The following VRK1 variants were observed in gnomAD, a reference collection of about 807,000 sequenced individuals.
VRK1 encodes the protein serine/threonine-protein kinase VRK1.
A neutral mutation model predicts 57.1 loss-of-function variants in VRK1; 33 were observed. The observed-to-expected ratio is 0.58, with a 90% confidence interval of 0.44 to 0.77. VRK1 has a LOEUF of 0.77. Ranked by LOEUF, VRK1 falls within the 30% of genes least tolerant of loss-of-function variation. VRK1 has a pLI of 0.00. For synonymous variants in VRK1, 137 were observed against 147.8 expected, an observed-to-expected ratio of 0.93 and a Z score of 0.53; for missense variants, 413 against 477.3, an observed-to-expected ratio of 0.87 and a Z score of 1.25.
At chr14:96,869,940 A>G (rs1888749593) in intron 11 of VRK1, among the ~76,000 whole-genome samples, 3 of 152,114 alleles carry the variant, frequency 2.0e-5, no homozygotes, top group Admixed American at 2.0e-4. Flanking sequence ...CCCCACCAGT[A>G]TATATATAGG....
intron 1 of VRK1, among the ~76,000 whole-genome samples, chr14:96,828,068 G>GGAAT (rs1467417937): frequency 6.6e-6 from 1 of 152,114 alleles, no homozygotes; most frequent in Non-Finnish European, 1.5e-5. Flanking sequence ...TCATGTAAAT[G>GGAAT]GAATATAGTA....
intron 1 of VRK1, among the ~76,000 whole-genome samples, chr14:96,802,245 G>A (rs755522955): frequency 1.2e-4 from 19 of 152,104 alleles, no homozygotes; most frequent in Non-Finnish European, 2.2e-4. Flanking sequence ...ACAATCCAGC[G>A]ATTGCACTCC....
chr14:96,875,637 A>G (rs1888997455), intron 11 of VRK1, among the ~76,000 whole-genome samples: 1 of 152,184 alleles, frequency 6.6e-6, no homozygotes, highest in Admixed American at 6.5e-5. Flanking sequence ...CCCATGTTGT[A>G]CAATGTGGAG....
At chr14:96,878,389 A>G (rs1889123217) in intron 12 of VRK1, among the ~76,000 whole-genome samples, 1 of 152,182 alleles carries the variant, frequency 6.6e-6, no homozygotes, top group South Asian at 2.1e-4. Context: ...AACGTGTTTC[A>G]AGAATGGTTA....
intron 1 of VRK1, among the ~76,000 whole-genome samples, chr14:96,805,032 G>A (rs528493300): frequency 6.6e-6 from 1 of 152,302 alleles, no homozygotes; most frequent in East Asian, 1.9e-4. Flanking sequence ...AAGAGTCCAA[G>A]CGTTGAGCAA....
intron 1 of VRK1, among the ~76,000 whole-genome samples, chr14:96,816,033 G>A (rs1340551862): frequency 1.3e-5 from 2 of 152,150 alleles, no homozygotes; most frequent in African/African-American, 4.8e-5. Flanking sequence ...CTTGAGACAG[G>A]AAAATGTACA....
At chr14:96,870,225 A>C (rs1309656793) in intron 11 of VRK1, among the ~76,000 whole-genome samples, 1 of 152,160 alleles carries the variant, frequency 6.6e-6, no homozygotes, top group Non-Finnish European at 1.5e-5. Flanking sequence ...TGGGACTAAA[A>C]CTCAGAAGAG....
intron 10 of VRK1, 96 bp downstream of exon 10, chr14:96,856,682 G>A (rs1888169133): frequency 7.2e-6 from 8 of 1,110,364 alleles, no homozygotes; most frequent in Non-Finnish European, 1.1e-5. Context: ...AAGATGTTAG[G>A]TGGTGGCCAG....
chr14:96,845,397 G>A (rs189097115), intron 3 of VRK1, among the ~76,000 whole-genome samples: 1 of 152,180 alleles, frequency 6.6e-6, no homozygotes, highest in East Asian at 1.9e-4. Flanking sequence ...GTGCAAATAC[G>A]TTTTTGTGAA....
chr14:96,835,497 C>T (rs12101087), intron 2 of VRK1, among the ~76,000 whole-genome samples: 2,095 of 152,126 alleles, frequency 0.014, 55 homozygotes, highest in African/African-American at 0.048. Context: ...GTCTCTTTAC[C>T]GTTGATTTCC....
chr14:96,828,754 CT>C, intron 1 of VRK1, among the ~76,000 whole-genome samples: 1 of 151,750 alleles, frequency 6.6e-6, no homozygotes, highest in East Asian at 1.9e-4. Flanking sequence ...GTATTTAAGT[CT>C]TTTGTGTTTC....
chr14:96,853,158 C>A lies in VRK1; in HGVS notation c.568C>A (p.Pro190Thr). 6.2e-7 allele frequency: 1 copy of A among 1,612,836 alleles called. No homozygotes were observed. Among genetic ancestry groups the A allele is most frequent in the South Asian group, 1.1e-5 (1 of 91,066 alleles). The change falls in exon 7 of 13, where the codon CCT (proline) becomes ACT (threonine). Residue 190 changes from proline to threonine, a missense_variant. Pro to Thr is a conservative substitution (Grantham distance 38). Around this residue, in one of 3 missense-constraint regions of VRK1, gnomAD observed 151 missense variants for 225.5 expected, o/e 0.67. Coordinates refer to ENST00000216639, the MANE Select transcript of VRK1 (RefSeq NM_003384.3). ...ASNLLLNYKN[P>T]DQVYLVDYGL... ...AAATCTTCTTCTGAACTACAAGAAT[C>A]CTGACCAGGTAGTTTTATAACTTTA... is the stretch of plus-strand genomic sequence containing the variant.
chr14:96,877,434 C>A, intron 12 of VRK1: 1 of 1,202,356 alleles, frequency 8.3e-7, no homozygotes, highest in Non-Finnish European at 1.1e-6. Context: ...CTCTTTTTCC[C>A]GCTGCTGTCT....
At chr14:96,846,046 C>G in intron 3 of VRK1, 49 bp from the exon 4 acceptor site, 1 of 1,486,384 alleles carries the variant, frequency 6.7e-7, no homozygotes, top group Non-Finnish European at 9.4e-7. Flanking sequence ...TTGAAAATAT[C>G]TCAGTAATTT....
At chr14:96,803,861 C>T (rs764372477) in intron 1 of VRK1, among the ~76,000 whole-genome samples, 91 of 152,064 alleles carry the variant, frequency 6.0e-4, no homozygotes, top group African/African-American at 2.1e-3. Flanking sequence ...GTCTTTTACC[C>T]GTTTTGTGAT....
chr14:96,830,614 C>T (rs964351513), intron 1 of VRK1, among the ~76,000 whole-genome samples: 1 of 152,016 alleles, frequency 6.6e-6, no homozygotes, highest in African/African-American at 2.4e-5. Flanking sequence ...TTTTGGGAGG[C>T]ATGTTTTCTT....
rs143447703 is a variant in VRK1, at chr14:96,847,433, T to TA, written c.374+90dup. ...AGTCAGTAATTATTTACTGATCACT[T>TA]ACAATATTACTAGGCCTCCCTCTGG... On this transcript the variant is annotated intron_variant, in intron 5 of 12. Coordinates refer to ENST00000216639, the MANE Select transcript of VRK1 (RefSeq NM_003384.3). The TA allele has an allele frequency of 0.054, 54,191 of 1,001,904 alleles. 1,747 individuals are homozygous for TA. Among genetic ancestry groups the TA allele is most frequent in the Non-Finnish European group, 0.064 (40,969 of 637,526 alleles). The allele number at this position is 1,001,904 out of a possible 1,614,324, so 62.1% of individuals were successfully genotyped here.
chr14:96,821,855 C>T (rs1886611436), intron 1 of VRK1, among the ~76,000 whole-genome samples: 1 of 152,200 alleles, frequency 6.6e-6, no homozygotes, highest in South Asian at 2.1e-4. Flanking sequence ...CACCAGTCCC[C>T]TTGCTGTTTC....
At chr14:96,868,872 G>T (rs1409452925) in intron 11 of VRK1, among the ~76,000 whole-genome samples, 1 of 147,102 alleles carries the variant, frequency 6.8e-6, no homozygotes, top group African/African-American at 2.5e-5. Flanking sequence ...GGACGATCTC[G>T]ACTCACCGCA....
Sources: gnomAD v4.1 joint callset for allele counts (sites outside exome capture counted in the v4.1 genomes callset) on GRCh38, gnomAD v4.1.1 for gene constraint, gnomAD v4.1.1 regional missense constraint, MANE v1.5 for transcripts, NCBI Gene and HGNC (gene_info 2026-07-23, HGNC 2026-07-21) for gene names.